The following ATG5 variants were observed in gnomAD, a reference collection of about 807,000 sequenced individuals.
ATG5 encodes the protein autophagy related 5.
A neutral mutation model predicts 36.5 loss-of-function variants in ATG5; 14 were observed. The observed-to-expected ratio is 0.38, with a 90% confidence interval of 0.25 to 0.60. ATG5 has a LOEUF of 0.60. Among genes scored for constraint, ATG5 ranks in the 20% least tolerant of loss-of-function variants. The probability of loss-of-function intolerance (pLI) is 0.60; values close to 1 mark genes in which losing one functional copy is unlikely to be tolerated. For missense variants in ATG5, 195 were observed against 326.7 expected, an observed-to-expected ratio of 0.60 and a Z score of 3.11; for synonymous variants, 95 against 101.5, an observed-to-expected ratio of 0.94 and a Z score of 0.38.
chr6:106,311,790 A>G (rs1179949461), intron 2 of ATG5, among the ~76,000 whole-genome samples: 1 of 152,128 alleles, frequency 6.6e-6, no homozygotes, highest in Non-Finnish European at 1.5e-5. Flanking sequence ...AGGGAAAACT[A>G]AAAGCAGGAA....
At chr6:106,266,456 C>T (rs1260531120) in intron 5 of ATG5, among the ~76,000 whole-genome samples, 1 of 152,154 alleles carries the variant, frequency 6.6e-6, no homozygotes, top group Non-Finnish European at 1.5e-5. Flanking sequence ...TGAAACTATT[C>T]CAAACAATAG....
At chr6:106,312,395 T>G (rs992624794) in intron 2 of ATG5, among the ~76,000 whole-genome samples, 2 of 152,078 alleles carry the variant, frequency 1.3e-5, no homozygotes, top group Non-Finnish European at 2.9e-5. Flanking sequence ...CATACATAGT[T>G]TGAGCTCCTA....
At chr6:106,247,416 T>TGG (rs1395162157) in intron 6 of ATG5, among the ~76,000 whole-genome samples, 1 of 152,192 alleles carries the variant, frequency 6.6e-6, no homozygotes, top group Non-Finnish European at 1.5e-5. Flanking sequence ...AAATATGCTG[T>TGG]GAGAAAGACT....
intron 6 of ATG5, among the ~76,000 whole-genome samples, chr6:106,228,949 G>C (rs1343062705): frequency 1.3e-5 from 2 of 152,000 alleles, no homozygotes; most frequent in South Asian, 4.2e-4. Flanking sequence ...GAAAGCTGTC[G>C]TCCCGAACTC....
intron 2 of ATG5, among the ~76,000 whole-genome samples, chr6:106,311,384 T>C (rs1005978956): frequency 2.0e-5 from 3 of 152,218 alleles, no homozygotes; most frequent in African/African-American, 4.8e-5. Flanking sequence ...ACGGGAGGCC[T>C]TGACACGAAG....
chr6:106,232,389 T>A (rs968529636), intron 6 of ATG5, among the ~76,000 whole-genome samples: 2 of 152,106 alleles, frequency 1.3e-5, no homozygotes, highest in African/African-American at 4.8e-5. Context: ...CCCAACTCCC[T>A]TGTTAGGGAG....
intron 6 of ATG5, among the ~76,000 whole-genome samples, chr6:106,203,137 G>GT (rs1198839828): frequency 6.6e-6 from 1 of 152,118 alleles, no homozygotes; most frequent in Non-Finnish European, 1.5e-5. Context: ...TTTTCGATAG[G>GT]TTTCACAATT....
At chr6:106,293,002 C>T (rs753214788) in intron 4 of ATG5, 26 bp downstream of exon 4, 18 of 1,577,676 alleles carry the variant, frequency 1.1e-5, no homozygotes, top group Admixed American at 3.5e-5. Context: ...ACAAATGGGA[C>T]GAAGGAGAAA....
intron 4 of ATG5, among the ~76,000 whole-genome samples, chr6:106,287,506 T>C (rs1419325259): frequency 6.6e-6 from 1 of 152,224 alleles, no homozygotes; most frequent in Non-Finnish European, 1.5e-5. Flanking sequence ...AAATGTGAGC[T>C]CTTACCCTTA....
chr6:106,198,102 C>G (rs925631211), intron 7 of ATG5, among the ~76,000 whole-genome samples: 1 of 149,418 alleles, frequency 6.7e-6, no homozygotes, highest in Non-Finnish European at 1.5e-5. Flanking sequence ...AACAAACACC[C>G]TTATAACAGA....
At chr6:106,196,240 T>C (rs952137404) in intron 7 of ATG5, among the ~76,000 whole-genome samples, 3 of 152,038 alleles carry the variant, frequency 2.0e-5, no homozygotes, top group Admixed American at 6.6e-5. Context: ...TAAACACAAA[T>C]TGAAGACTAA....
At chr6:106,197,274 T>G (rs1481698699) in intron 7 of ATG5, among the ~76,000 whole-genome samples, 1 of 152,306 alleles carries the variant, frequency 6.6e-6, no homozygotes, top group Admixed American at 6.5e-5. Flanking sequence ...ATAATCTCAG[T>G]ACTTTGTGAA....
intron 1 of ATG5, among the ~76,000 whole-genome samples, chr6:106,323,184 G>A (rs748202278): frequency 8.0e-5 from 12 of 150,338 alleles, no homozygotes; most frequent in African/African-American, 2.5e-4. Context: ...TGATCCGCCC[G>A]CCTTGGCCTC....
chr6:106,229,386 G>T (rs1777578836), intron 6 of ATG5, among the ~76,000 whole-genome samples: 1 of 152,064 alleles, frequency 6.6e-6, no homozygotes, highest in South Asian at 2.1e-4. Flanking sequence ...GAGACAGAGA[G>T]AAAGAGACAG....
At chr6:106,235,733 C>A (rs1321799285) in intron 6 of ATG5, among the ~76,000 whole-genome samples, 1 of 151,954 alleles carries the variant, frequency 6.6e-6, no homozygotes, top group Non-Finnish European at 1.5e-5. Flanking sequence ...GCATTCAAGC[C>A]GGCAACGGCT....
At chr6:106,226,831 T>C (rs997597862) in intron 6 of ATG5, among the ~76,000 whole-genome samples, 6 of 151,984 alleles carry the variant, frequency 3.9e-5, no homozygotes, top group Non-Finnish European at 8.8e-5. Context: ...GCACAAAAAC[T>C]GAATTAACTT....
Position 106,276,207 on chromosome 6 carries a change from G to A in ATG5, c.478+3454C>T, listed in dbSNP as rs529825083. 1.2e-4 allele frequency among the ~76,000 whole-genome samples: 18 copies of A among 152,300 alleles called. No individual in the cohort carries two copies. In the East Asian group the frequency reaches 3.5e-3, roughly 29 times the overall value. ...GGGCCGGGCGCGGTGGCTCACGCCT[G>A]TAATCCCAGCACTTTGGGAGGCCGA... is the stretch of plus-strand genomic sequence containing the variant. On this transcript the variant is annotated intron_variant, in intron 5 of 7. Coordinates refer to ENST00000369076, the MANE Select transcript of ATG5 (RefSeq NM_004849.4).
At chr6:106,321,485 A>C in intron 1 of ATG5, among the ~76,000 whole-genome samples, 1 of 151,894 alleles carries the variant, frequency 6.6e-6, no homozygotes, top group East Asian at 1.9e-4. Flanking sequence ...CAGCCTCCCG[A>C]GTAGCTGGGA....
intron 6 of ATG5, among the ~76,000 whole-genome samples, chr6:106,235,258 C>T (rs1357332265): frequency 6.6e-6 from 1 of 152,154 alleles, no homozygotes; most frequent in African/African-American, 2.4e-5. Flanking sequence ...AGCTACAAAT[C>T]GTTCTTCAAA....
Sources: allele counts gnomAD v4.1 joint callset (sites outside exome capture counted in the v4.1 genomes callset), GRCh38; gene constraint gnomAD v4.1.1; transcripts MANE v1.5; gene names NCBI Gene and HGNC (gene_info 2026-07-23, HGNC 2026-07-21).